ADAMTS18: variants seen among roughly 807,000 people sequenced by gnomAD.
ADAMTS18 encodes the protein A disintegrin and metalloproteinase with thrombospondin motifs 18.
In ADAMTS18, 157 loss-of-function variants were observed where a neutral mutation model predicts 165.9. The ratio of observed to expected loss-of-function variants is 0.95; its 90% CI spans 0.83 to 1.08. ADAMTS18 has a LOEUF of 1.08. ADAMTS18 is among the 50% of genes least tolerant of loss of function. The pLI, the probability that ADAMTS18 is intolerant of heterozygous loss-of-function variation, is 0.00. For missense variants in ADAMTS18, 2,040 were observed against 1,534.0 expected (o/e 1.33, Z -5.51); for synonymous variants, 782 against 578.2 (o/e 1.35, Z -5.06).
intron 12 of ADAMTS18, among the ~76,000 whole-genome samples, chr16:77,330,480 T>C (rs2056169709): frequency 6.6e-6 from 1 of 152,156 alleles, no homozygotes; most frequent in Non-Finnish European, 1.5e-5. Context: ...AATGGGGCCC[T>C]CTTCCTCCCC....
chr16:77,320,883 G>C (rs893254171), intron 15 of ADAMTS18, among the ~76,000 whole-genome samples, 196 bp downstream of exon 15: 2 of 152,154 alleles, frequency 1.3e-5, no homozygotes, highest in South Asian at 4.1e-4. Flanking sequence ...CATTTATTTG[G>C]CATGTTTCTA....
intron 20 of ADAMTS18, 109 bp from the exon 21 acceptor site, chr16:77,291,587 G>T: frequency 1.8e-6 from 2 of 1,101,006 alleles, no homozygotes; most frequent in South Asian, 2.5e-5. Context: ...AGGAGGGATG[G>T]GATTACACAA....
intron 3 of ADAMTS18, among the ~76,000 whole-genome samples, chr16:77,398,380 G>A (rs2144804316): frequency 6.6e-6 from 1 of 152,106 alleles, no homozygotes; most frequent in Admixed American, 6.6e-5. Flanking sequence ...GAAAGAGAGA[G>A]AGAAGAGCAG....
chr16:77,418,878 C>T (rs368131727), intron 3 of ADAMTS18, among the ~76,000 whole-genome samples: 7 of 152,312 alleles, frequency 4.6e-5, no homozygotes, highest in African/African-American at 1.4e-4. Flanking sequence ...TCGCCGAGTG[C>T]GGCAGCTCAC....
chr16:77,346,465 G>A (rs1181792524), intron 10 of ADAMTS18, among the ~76,000 whole-genome samples: 1 of 151,714 alleles, frequency 6.6e-6, no homozygotes, highest in Non-Finnish European at 1.5e-5. Context: ...GAGCTTTCAA[G>A]AATTAAAAAA....
rs1043095714 is a variant in ADAMTS18, at chr16:77,398,641, T to A, written c.496-30918A>T. On this transcript the variant is annotated intron_variant, in intron 3 of 22. Coordinates refer to ENST00000282849, the MANE Select transcript of ADAMTS18 (RefSeq NM_199355.4). ...TCAGGTAAGTCTTTGCTGTTGGGGG[T>A]TGGGGGCTGTCAGTGCATTCATTAC... Among the ~76,000 whole-genome samples, 6 of 152,038 alleles carry A rather than the reference T, an allele frequency of 3.9e-5. No homozygotes were observed. In the South Asian group the frequency reaches 1.2e-3, roughly 32 times the overall value.
intron 3 of ADAMTS18, among the ~76,000 whole-genome samples, chr16:77,398,693 C>T (rs1173125309): frequency 1.3e-5 from 2 of 152,124 alleles, no homozygotes; most frequent in Non-Finnish European, 2.9e-5. Flanking sequence ...TTCCTGGCCT[C>T]TACCCACTTG....
chr16:77,344,243 T>C (rs547639623), intron 10 of ADAMTS18, among the ~76,000 whole-genome samples: 27 of 151,490 alleles, frequency 1.8e-4, no homozygotes, highest in African/African-American at 5.8e-4. Context: ...TGGAAGAATA[T>C]TGAGGACACT....
Position 77,317,700 on chromosome 16 carries a change from C to A in ADAMTS18, c.2532+2149G>T, listed in dbSNP as rs113514983. On this transcript the variant is annotated intron_variant, in intron 16 of 22. Transcript: ENST00000282849. Reference sequence around the variant, plus strand: ...TCATCTAATTTCACCCACCATAACTCAACACACAGAACACAAACTCCCACA... The same window carrying A: ...TCATCTAATTTCACCCACCATAACTAAACACACAGAACACAAACTCCCACA... 3.0e-4 allele frequency among the ~76,000 whole-genome samples: 46 copies of A among 152,284 alleles called. 1 individual carries two copies. The highest frequency in any genetic ancestry group is 1.1e-3 in the African/African-American group (44 of 41,554).
chr16:77,401,445 G>C (rs2057330547), intron 3 of ADAMTS18, among the ~76,000 whole-genome samples: 1 of 152,158 alleles, frequency 6.6e-6, no homozygotes, highest in African/African-American at 2.4e-5. Flanking sequence ...CAGAGATATA[G>C]AAAGGAAGGC....
intron 16 of ADAMTS18, among the ~76,000 whole-genome samples, chr16:77,307,883 C>A (rs748439430): frequency 1.3e-5 from 2 of 152,250 alleles, no homozygotes; most frequent in Non-Finnish European, 2.9e-5. Context: ...GGTAATACTT[C>A]GTCAGTGGTG....
At chr16:77,325,190 G>A (rs1234178380) in intron 13 of ADAMTS18, among the ~76,000 whole-genome samples, 1 of 152,200 alleles carries the variant, frequency 6.6e-6, no homozygotes, top group African/African-American at 2.4e-5. Flanking sequence ...CAGCGTAACA[G>A]TTTTGATAAA....
intron 3 of ADAMTS18, among the ~76,000 whole-genome samples, chr16:77,424,944 G>C (rs975822910): frequency 6.6e-6 from 1 of 152,182 alleles, no homozygotes; most frequent in South Asian, 2.1e-4. Flanking sequence ...CATGGACGAA[G>C]GTCATTCAAC....
intron 3 of ADAMTS18, among the ~76,000 whole-genome samples, chr16:77,424,567 T>C (rs1402738493): frequency 1.3e-5 from 2 of 152,176 alleles, no homozygotes; most frequent in Non-Finnish European, 1.5e-5. Flanking sequence ...CTTGGGGTCC[T>C]GCTCTCTGGC....
chr16:77,309,898 A>C (rs1455227064), intron 16 of ADAMTS18, among the ~76,000 whole-genome samples: 1 of 152,224 alleles, frequency 6.6e-6, no homozygotes, highest in Non-Finnish European at 1.5e-5. Context: ...CAGGAAAGCA[A>C]GTGTTTTAGG....
chr16:77,431,668 C>G (rs911472488), intron 2 of ADAMTS18, 57 bp from the exon 3 acceptor site: 6 of 1,581,224 alleles, frequency 3.8e-6, no homozygotes, highest in East Asian at 2.2e-5. Context: ...CAAATGGTCT[C>G]TTTCCAGCAA....
chr16:77,285,526 A>G (rs1307337513), intron 22 of ADAMTS18, among the ~76,000 whole-genome samples: 1 of 151,058 alleles, frequency 6.6e-6, no homozygotes, highest in Non-Finnish European at 1.5e-5. Flanking sequence ...TAGAGTATAC[A>G]CTACACATAA....
Position 77,295,450 on chromosome 16 carries a change from A to C in ADAMTS18, c.2802-323T>G, listed in dbSNP as rs186741878. ...TAACTATGTGTCAGGGACTCTCCTA[A>C]GCATTAGGATTAGAAAAATTAAGGC... On this transcript the variant is annotated intron_variant, in intron 18 of 22. Transcript: ENST00000282849. Among the ~76,000 whole-genome samples, 16 of 152,298 alleles carry C rather than the reference A, an allele frequency of 1.1e-4. No individual in the cohort carries two copies. The East Asian group carries it at 2.5e-3, about 24-fold the overall frequency.
intron 3 of ADAMTS18, among the ~76,000 whole-genome samples, chr16:77,396,925 G>C (rs1335501643): frequency 6.6e-6 from 1 of 151,814 alleles, no homozygotes; most frequent in South Asian, 2.1e-4. Context: ...TCTTGCCTCA[G>C]CCTCCTGAGT....
Sources: gnomAD v4.1 joint callset for allele counts (sites outside exome capture counted in the v4.1 genomes callset) on GRCh38, gnomAD v4.1.1 for gene constraint, MANE v1.5 for transcripts, NCBI Gene and HGNC (gene_info 2026-07-23, HGNC 2026-07-21) for gene names.